The following LRRC7 variants were observed in gnomAD, a reference collection of about 807,000 sequenced individuals.
LRRC7 encodes leucine rich repeat containing 7, also known as leucine-rich repeat-containing protein 7.
A neutral mutation model predicts 175.7 loss-of-function variants in LRRC7; 23 were observed. The observed-to-expected ratio is 0.13, with a 90% confidence interval of 0.09 to 0.19. LRRC7 has a LOEUF of 0.19. LRRC7 is among the 10% of genes least tolerant of loss of function. The pLI, the probability that LRRC7 is intolerant of heterozygous loss-of-function variation, is 1.00. For synonymous variants in LRRC7, 685 were observed against 680.9 expected (o/e 1.01, Z -0.09); for missense variants, 1,354 against 1,904.7 (o/e 0.71, Z 5.38).
At chr1:69,710,431 T>C (rs1214327829) in intron 2 of LRRC7, among the ~76,000 whole-genome samples, 1 of 152,146 alleles carries the variant, frequency 6.6e-6, no homozygotes, top group Non-Finnish European at 1.5e-5. Context: ...GCAAAGCAGT[T>C]TTGTACTGTC....
chr1:69,691,797 C>CAAAAAAAAAAAAAAA (rs57676937), intron 2 of LRRC7, among the ~76,000 whole-genome samples: 2 of 85,212 alleles, frequency 2.3e-5, no homozygotes, highest in Non-Finnish European at 4.2e-5. Context: ...GACCCTGTCT[C>CAAAAAAAAAAAAAAA]AAAAAAAAAA....
chr1:69,818,431 A>C (rs987290939), intron 4 of LRRC7, among the ~76,000 whole-genome samples: 1 of 152,070 alleles, frequency 6.6e-6, no homozygotes, highest in African/African-American at 2.4e-5. Context: ...TTTGTGGATG[A>C]TAAACCATCT....
chr1:69,686,353 T>G (rs1661135552), intron 2 of LRRC7, among the ~76,000 whole-genome samples: 1 of 152,158 alleles, frequency 6.6e-6, no homozygotes, highest in African/African-American at 2.4e-5. Flanking sequence ...GTATGAATAA[T>G]AGAATTTTCT....
At chr1:69,678,057 C>T (rs1354210302) in intron 1 of LRRC7, among the ~76,000 whole-genome samples, 1 of 152,064 alleles carries the variant, frequency 6.6e-6, no homozygotes, top group Non-Finnish European at 1.5e-5. Context: ...AAGGCCCTAC[C>T]TTCAAATCAC....
At chr1:69,608,527 C>T (rs1296094557) in intron 1 of LRRC7, among the ~76,000 whole-genome samples, 1 of 152,004 alleles carries the variant, frequency 6.6e-6, no homozygotes, top group African/African-American at 2.4e-5. Context: ...CCTAACTCAG[C>T]CAGTCAGTGT....
In LRRC7 at chr1:70,137,792, C is replaced by T. The variant is rs1366873198; in HGVS notation, c.*15905C>T. Among the ~76,000 whole-genome samples the T allele has an allele frequency of 6.6e-6, 1 of 152,252 alleles. No homozygotes were observed. Among genetic ancestry groups the T allele is most frequent in the African/African-American group, 2.4e-5 (1 of 41,460 alleles). On this transcript the variant is annotated 3_prime_UTR_variant, in exon 27 of 27. Transcript: ENST00000651989. The stretch of plus-strand genomic sequence containing the variant: ...AGTTCTCCAATGTTGACAATTTCAG[C>T]TGCCCTAGCAGCCTCTCTAAGCACT...
chr1:69,631,880 A>G (rs556028220), intron 1 of LRRC7, among the ~76,000 whole-genome samples: 3 of 152,052 alleles, frequency 2.0e-5, no homozygotes, highest in African/African-American at 7.2e-5. Flanking sequence ...CAGAGTATAC[A>G]TCTTAATCTT....
chr1:70,039,771 T>C lies in LRRC7; in HGVS notation c.3947T>C (p.Ile1316Thr). 1.2e-6 allele frequency: 2 copies of C among 1,604,510 alleles called. No homozygotes were observed. Among genetic ancestry groups the C allele is most frequent in the Non-Finnish European group, 1.7e-6 (2 of 1,176,288 alleles). The change falls in exon 21 of 27, where the codon ATA (isoleucine) becomes ACA (threonine). Residue 1316 changes from isoleucine (I) to threonine (T), a missense_variant. Physicochemically the swap from Ile to Thr is moderately conservative, Grantham distance 89. Around this residue, in one of 4 missense-constraint regions of LRRC7, gnomAD observed 1,032 missense variants for 1,227.2 expected, o/e 0.84. Coordinates refer to ENST00000651989, the MANE Select transcript of LRRC7 (RefSeq NM_001370785.2). Reference protein sequence around the residue: ...ADWRQQLLRHIEARRLDRNAA... With the variant: ...ADWRQQLLRHTEARRLDRNAA... ...TGGAGACAACAGCTGCTTAGACATA[T>C]AGAAGCTAGACGGTTAGACAGGGTA... is the stretch of plus-strand genomic sequence containing the variant.
intron 2 of LRRC7, among the ~76,000 whole-genome samples, chr1:69,705,813 T>C (rs1262802624): frequency 6.6e-6 from 1 of 152,124 alleles, no homozygotes; most frequent in South Asian, 2.1e-4. Flanking sequence ...ATTTTGGACA[T>C]GACCAGAATG....
chr1:69,935,387 T>A (rs1647895655), intron 8 of LRRC7, among the ~76,000 whole-genome samples: 1 of 152,204 alleles, frequency 6.6e-6, no homozygotes, highest in Non-Finnish European at 1.5e-5. Flanking sequence ...GCACAGATAT[T>A]TCTACCTACC....
At chr1:69,721,328 A>G (rs1666327255) in intron 2 of LRRC7, among the ~76,000 whole-genome samples, 1 of 151,930 alleles carries the variant, frequency 6.6e-6, no homozygotes, top group Non-Finnish European at 1.5e-5. Context: ...CAATTATAGT[A>G]TAATACGGAA....
In LRRC7 at chr1:69,730,272, C is replaced by G. The variant is rs995262689; in HGVS notation, c.101-29919C>G. ...GGCATCTGGTTACTTATGTAAATTTCTGCAGTGGGCTTGAATGTCTTTCCA... is the reference window on the plus strand; with the variant it reads ...GGCATCTGGTTACTTATGTAAATTTGTGCAGTGGGCTTGAATGTCTTTCCA... On this transcript the variant is annotated intron_variant, in intron 2 of 26. Coordinates refer to ENST00000651989, the MANE Select transcript of LRRC7 (RefSeq NM_001370785.2). Among the ~76,000 whole-genome samples, 4 of 152,216 alleles carry G rather than the reference C, an allele frequency of 2.6e-5. No homozygotes were observed. In the East Asian group the frequency reaches 7.7e-4, roughly 29 times the overall value.
chr1:69,576,669 T>C (rs1416980227), intron 1 of LRRC7, among the ~76,000 whole-genome samples: 1 of 152,210 alleles, frequency 6.6e-6, no homozygotes. Flanking sequence ...AGAAACACCA[T>C]GATGACTAAA....
At chr1:69,574,095 G>A (rs1449207621) in intron 1 of LRRC7, among the ~76,000 whole-genome samples, 1 of 152,172 alleles carries the variant, frequency 6.6e-6, no homozygotes, top group African/African-American at 2.4e-5. Context: ...GGAACTCTAG[G>A]ATACTTGTGT....
At chr1:69,819,933 A>C (rs1679076444) in intron 4 of LRRC7, among the ~76,000 whole-genome samples, 1 of 152,010 alleles carries the variant, frequency 6.6e-6, no homozygotes. Flanking sequence ...TAAGTCCCTA[A>C]AGTTTGTTTC....
intron 7 of LRRC7, among the ~76,000 whole-genome samples, chr1:69,875,510 A>G (rs1685961401): frequency 1.3e-5 from 2 of 152,088 alleles, no homozygotes; most frequent in Admixed American, 1.3e-4. Context: ...ACAATTGAAT[A>G]TAATATATGA....
At chr1:69,964,722 G>T (rs1020985630) in intron 8 of LRRC7, among the ~76,000 whole-genome samples, 2 of 152,140 alleles carry the variant, frequency 1.3e-5, no homozygotes, top group Non-Finnish European at 1.5e-5. Flanking sequence ...AACTTCCTGT[G>T]ACTTTCCTCA....
chr1:69,980,569 A>C, intron 9 of LRRC7, 116 bp downstream of exon 9: 1 of 800,610 alleles, frequency 1.2e-6, no homozygotes, highest in Non-Finnish European at 2.0e-6. Context: ...AATAATACTC[A>C]TTAGGAGTGT....
intron 26 of LRRC7, among the ~76,000 whole-genome samples, chr1:70,119,486 T>G (rs965675715): frequency 6.6e-6 from 1 of 151,614 alleles, no homozygotes; most frequent in African/African-American, 2.4e-5. Context: ...CCTAGCACAA[T>G]GCCTATGGAA....
Sources: allele counts gnomAD v4.1 joint callset (sites outside exome capture counted in the v4.1 genomes callset), GRCh38; gene constraint gnomAD v4.1.1; regional missense constraint gnomAD v4.1.1; transcripts MANE v1.5; gene names NCBI Gene and HGNC (gene_info 2026-07-23, HGNC 2026-07-21).